AGAP3: variants seen among roughly 807,000 people sequenced by gnomAD.
AGAP3 encodes the protein arf-GAP with GTPase, ANK repeat and PH domain-containing protein 3.
A neutral mutation model predicts 96.9 loss-of-function variants in AGAP3; 24 were observed. The ratio of observed to expected loss-of-function variants is 0.25; its 90% CI spans 0.18 to 0.35. AGAP3 has a LOEUF of 0.35. Among genes scored for constraint, AGAP3 ranks in the 10% least tolerant of loss-of-function variants. AGAP3 has a pLI of 1.00. For missense variants in AGAP3, 876 were observed against 1,254.2 expected, an observed-to-expected ratio of 0.70 and a Z score of 4.55; for synonymous variants, 563 against 536.1, an observed-to-expected ratio of 1.05 and a Z score of -0.69.
intron 8 of AGAP3, chr7:151,123,510 C>T: frequency 8.0e-7 from 1 of 1,248,782 alleles, no homozygotes; most frequent in Non-Finnish European, 1.0e-6. Context: ...CTCTTACGCC[C>T]CCGCCCCGGG....
chr7:151,119,970 GC>G lies in AGAP3; in HGVS notation c.970-14del, dbSNP rs745907254. 1 of 1,612,810 alleles carries G rather than the reference GC, an allele frequency of 6.2e-7. No individual in the cohort carries two copies. The highest frequency in any genetic ancestry group is 2.2e-5 in the East Asian group (1 of 44,852). ...CCCTGACCCGGAGCTGCCCTCAGCA[GC>G]CCTCTTTGTCCTTAGGCCACGAATG... On this transcript the variant is annotated splice_polypyrimidine_tract_variant and intron_variant, in intron 7 of 17. Transcript: ENST00000397238.
At chr7:151,098,055 T>C (rs1798681672) in intron 1 of AGAP3, among the ~76,000 whole-genome samples, 1 of 152,142 alleles carries the variant, frequency 6.6e-6, no homozygotes, top group Non-Finnish European at 1.5e-5. Flanking sequence ...CTCTGATTTA[T>C]AGCCTATAAG....
Position 151,128,654 on chromosome 7 carries a change from C to G in AGAP3, c.1296C>G (p.Asn432Lys). The G allele has an allele frequency of 6.2e-7, 1 of 1,613,022 alleles. No individual in the cohort carries two copies. Among genetic ancestry groups the G allele is most frequent in the Non-Finnish European group, 8.5e-7 (1 of 1,179,490 alleles). ...AGAAGTATGTGACGCTCTGTGACAA[C>G]GGGCTGCTCACCTATCACCCCAGCC... is the stretch of plus-strand genomic sequence containing the variant. ...WKKKYVTLCD[N>K]GLLTYHPSLH... The change falls in exon 10 of 18, where the codon AAC becomes AAG. Residue 432 changes from asparagine (N) to lysine (K), a missense_variant. Asn to Lys is a moderately conservative substitution (Grantham distance 94). Transcript: ENST00000397238.
At chr7:151,101,953 G>T (rs1161716026) in intron 1 of AGAP3, among the ~76,000 whole-genome samples, 4 of 152,184 alleles carry the variant, frequency 2.6e-5, no homozygotes, top group African/African-American at 9.7e-5. Context: ...TGAACCTGGG[G>T]GCAGTGGTGC....
intron 8 of AGAP3, among the ~76,000 whole-genome samples, chr7:151,121,196 C>T (rs555969355): frequency 2.0e-5 from 3 of 152,176 alleles, no homozygotes; most frequent in South Asian, 4.1e-4. Context: ...GCCTCTGTCC[C>T]GAGCCCGCCA....
Position 151,086,868 on chromosome 7 carries a change from G to C in AGAP3, c.127G>C (p.Ala43Pro), listed in dbSNP as rs1417415126. 8.4e-7 allele frequency: 1 copy of C among 1,189,706 alleles called. No individual in the cohort carries two copies. The highest frequency in any genetic ancestry group is 3.3e-5 in the South Asian group (1 of 30,312). 73.7% of individuals were successfully genotyped at this position (1,189,706 alleles called of 1,614,324 possible). A position where few individuals can be genotyped will look rare whatever the true frequency, so the allele number is the denominator to read the frequency against. The change falls in exon 1 of 18, where the codon GCC becomes CCC. Residue 43 changes from alanine to proline, a missense_variant. Ala to Pro is a conservative substitution (Grantham distance 27). This residue lies in a region of AGAP3 where 62 missense variants were observed against 82.8 expected (regional missense o/e 0.75). Transcript: ENST00000397238. ...GGQFGGAGPG[A>P]GGGGGPSQQL... ...GCAGTTCGGCGGCGCGGGGCCCGGG[G>C]CCGGGGGCGGCGGCGGCCCCTCGCA...
At chr7:151,132,307 A>AT (rs767159159) in intron 10 of AGAP3, among the ~76,000 whole-genome samples, 35 of 152,180 alleles carry the variant, frequency 2.3e-4, no homozygotes, top group Non-Finnish European at 4.1e-4. Flanking sequence ...CTGCTCACTG[A>AT]TTCCTCGGTT....
At position 151,141,498 on chromosome 7, in the gene AGAP3, C is replaced by A; in HGVS notation, c.1805-400C>A. 4.3e-6 allele frequency: 1 copy of A among 230,534 alleles called. No homozygotes were observed. Among genetic ancestry groups the A allele is most frequent in the Non-Finnish European group, 8.6e-6 (1 of 115,860 alleles). 14.3% of individuals were successfully genotyped at this position (230,534 alleles called of 1,614,324 possible). A position where few individuals can be genotyped will look rare whatever the true frequency, so the allele number is the denominator to read the frequency against. ...CTGCAGCTGACATGTACGGATGGTG[C>A]CCACACCCGCCTTCCCCCACCCTCT... On this transcript the variant is annotated intron_variant, in intron 13 of 17. Transcript: ENST00000397238. This position sits in a 1 kb window ranked among gnomAD's most constrained non-coding sequence, Gnocchi z 4.2.
chr7:151,113,121 T>C (rs535856045), intron 1 of AGAP3, among the ~76,000 whole-genome samples: 2 of 152,256 alleles, frequency 1.3e-5, no homozygotes, highest in South Asian at 2.1e-4. Context: ...CTGTTGTGCG[T>C]GAGAGAGAGG....
In AGAP3 at chr7:151,139,517, A is replaced by T. The variant is rs932407529; in HGVS notation, c.1667-462A>T. Reference sequence around the variant, plus strand: ...TAATGAAGTTTGACATTTAGTGGTGAGCGCCGGGCGGGGTGTGGGAGACGG... The same window carrying T: ...TAATGAAGTTTGACATTTAGTGGTGTGCGCCGGGCGGGGTGTGGGAGACGG... On this transcript the variant is annotated intron_variant, in intron 12 of 17. Transcript: ENST00000397238. The surrounding 1 kb of genome is among the most constrained non-coding windows in gnomAD (Gnocchi z 4.9). 2.0e-5 allele frequency: 3 copies of T among 152,756 alleles called. No individual in the cohort carries two copies. Among genetic ancestry groups the T allele is most frequent in the African/African-American group, 7.2e-5 (3 of 41,476 alleles). 9.5% of individuals were successfully genotyped at this position (152,756 alleles called of 1,614,324 possible).
At chr7:151,091,521 G>A (rs1798399461) in intron 1 of AGAP3, among the ~76,000 whole-genome samples, 1 of 152,238 alleles carries the variant, frequency 6.6e-6, no homozygotes, top group Non-Finnish European at 1.5e-5. Context: ...GGGCCAGAAG[G>A]TCTGGGCTTG....
intron 1 of AGAP3, among the ~76,000 whole-genome samples, chr7:151,112,413 G>C (rs1375014071): frequency 6.6e-6 from 1 of 151,150 alleles, no homozygotes; most frequent in African/African-American, 2.4e-5. Flanking sequence ...GTGTGTGTGT[G>C]TGTGTGTGTG....
intron 10 of AGAP3, among the ~76,000 whole-genome samples, chr7:151,130,129 C>A (rs1468983375): frequency 6.6e-6 from 1 of 152,222 alleles, no homozygotes; most frequent in African/African-American, 2.4e-5. Context: ...CATTTCCCCA[C>A]CTGTGTGGAG....
At chr7:151,088,157 C>T (rs1015285181) in intron 1 of AGAP3, among the ~76,000 whole-genome samples, 1 of 152,220 alleles carries the variant, frequency 6.6e-6, no homozygotes, top group African/African-American at 2.4e-5. Flanking sequence ...CATCTGCTTG[C>T]CTGAGGTTCT....
At chr7:151,120,735 C>G (rs961942478) in intron 8 of AGAP3, 1 of 1,210,068 alleles carries the variant, frequency 8.3e-7, no homozygotes, top group African/African-American at 1.6e-5. Flanking sequence ...TGCCTCGTTC[C>G]TCCCTCTCAG....
Position 151,096,639 on chromosome 7 carries a change from AT to A in AGAP3, c.331+9573del, listed in dbSNP as rs1205649146. 6.7e-6 allele frequency among the ~76,000 whole-genome samples: 1 copy of A among 149,628 alleles called. No homozygotes were observed. Among genetic ancestry groups the A allele is most frequent in the Non-Finnish European group, 1.5e-5 (1 of 67,522 alleles). ...AGGTGCCCACCACCACGCCCGGCTT[AT>A]TTTTTGTATTTTTAGTAGAGACGAG... is the stretch of plus-strand genomic sequence containing the variant. On this transcript the variant is annotated intron_variant, in intron 1 of 17. Transcript: ENST00000397238. The surrounding 1 kb of genome is among the most constrained non-coding windows in gnomAD (Gnocchi z 4.4).
chr7:151,113,725 G>C (rs1799403011), intron 1 of AGAP3, among the ~76,000 whole-genome samples: 1 of 152,204 alleles, frequency 6.6e-6, no homozygotes, highest in Non-Finnish European at 1.5e-5. Context: ...AAACTGGCTG[G>C]GCTTCAGAGC....
chr7:151,131,632 G>A (rs1026121820), intron 10 of AGAP3, among the ~76,000 whole-genome samples: 8 of 152,210 alleles, frequency 5.3e-5, no homozygotes, highest in Admixed American at 2.6e-4. Context: ...GCACGAGGGC[G>A]TGGAATCCGG....
intron 7 of AGAP3, 101 bp from the exon 8 acceptor site, chr7:151,119,886 C>G: frequency 8.5e-7 from 1 of 1,181,274 alleles, no homozygotes; most frequent in Non-Finnish European, 1.2e-6. Context: ...TGCCCATGAG[C>G]CCCGGCCAGG....
Sources: gnomAD v4.1 joint callset for allele counts (sites outside exome capture counted in the v4.1 genomes callset) on GRCh38, gnomAD v4.1.1 for gene constraint, gnomAD v4.1.1 regional missense constraint, Gnocchi (gnomAD v3.1) non-coding constraint, MANE v1.5 for transcripts, NCBI Gene and HGNC (gene_info 2026-07-23, HGNC 2026-07-21) for gene names.